ALPK2: variants seen among roughly 807,000 people sequenced by gnomAD.
ALPK2 encodes alpha kinase 2.
A neutral mutation model predicts 163.1 loss-of-function variants in ALPK2; 127 were observed. The ratio of observed to expected loss-of-function variants is 0.78; its 90% confidence interval spans 0.67 to 0.90. The LOEUF is 0.90. Among genes scored for constraint, ALPK2 ranks in the 40% least tolerant of loss-of-function variants. ALPK2 has a pLI of 0.00. For missense variants in ALPK2, 2,360 were observed against 2,589.6 expected, an observed-to-expected ratio of 0.91 and a Z score of 1.92; for synonymous variants, 953 against 959.1, an observed-to-expected ratio of 0.99 and a Z score of 0.12.
At chr18:58,503,615 C>G (rs1003107302) in intron 11 of ALPK2, among the ~76,000 whole-genome samples, 2 of 152,182 alleles carry the variant, frequency 1.3e-5, no homozygotes, top group Non-Finnish European at 2.9e-5. Flanking sequence ...GGGAGGAATA[C>G]TTGAGCCCAG....
chr18:58,579,299 C>T lies in ALPK2; in HGVS notation c.1477G>A (p.Glu493Lys), dbSNP rs757582251. 41 of 1,614,068 alleles carry T rather than the reference C, an allele frequency of 2.5e-5. No individual in the cohort carries two copies. The Admixed American group carries it at 5.7e-4, about 22-fold the overall frequency. The change falls in exon 4 of 13, where the codon GAG becomes AAG. Residue 493 changes from glutamate to lysine, a missense_variant. Coordinates refer to ENST00000361673, the MANE Select transcript of ALPK2 (RefSeq NM_052947.4). ...NLLNMDESVR[E>K]TEMKLLSGES... ...CCAGACAAGAGCTTCATCTCTGTCT[C>T]TCTTACTGATTCATCCATGTTGAGC... is the stretch of plus-strand genomic sequence containing the variant.
intron 6 of ALPK2, among the ~76,000 whole-genome samples, chr18:58,528,528 C>A (rs370561343): frequency 6.6e-6 from 1 of 150,930 alleles, no homozygotes; most frequent in African/African-American, 2.4e-5. Flanking sequence ...GGGAGTAGCA[C>A]CTTGTCTCAA....
chr18:58,538,330 A>G, intron 4 of ALPK2, 106 bp from the exon 5 acceptor site: 1 of 1,017,248 alleles, frequency 9.8e-7, no homozygotes, highest in South Asian at 1.6e-5. Flanking sequence ...GTAATAATGG[A>G]CAAGAATGAT....
chr18:58,607,582 CCTT>C (rs1389301020), intron 2 of ALPK2, 143 bp from the exon 3 acceptor site: 86 of 582,760 alleles, frequency 1.5e-4, no homozygotes, highest in Non-Finnish European at 2.4e-4. Flanking sequence ...AATTGAAAAG[CCTT>C]CTTCTTGTTG....
intron 4 of ALPK2, among the ~76,000 whole-genome samples, chr18:58,552,729 T>G (rs534337546): frequency 6.6e-6 from 1 of 152,236 alleles, no homozygotes; most frequent in African/African-American, 2.4e-5. Context: ...GCAGGTGTTC[T>G]ATAAGGAGAC....
intron 11 of ALPK2, among the ~76,000 whole-genome samples, chr18:58,500,272 G>A (rs910514643): frequency 1.4e-5 from 2 of 147,614 alleles, no homozygotes; most frequent in South Asian, 2.1e-4. Context: ...AATTGCAAAC[G>A]CTGTCTCTGG....
At chr18:58,625,451 G>C (rs2052224746) in intron 1 of ALPK2, among the ~76,000 whole-genome samples, 1 of 152,210 alleles carries the variant, frequency 6.6e-6, no homozygotes. Flanking sequence ...CTACAGCAGT[G>C]GTTCTCAGAG....
At chr18:58,533,100 G>A (rs72935484) in intron 5 of ALPK2, among the ~76,000 whole-genome samples, 15,253 of 152,278 alleles carry the variant, frequency 0.1, 875 homozygotes, top group Middle Eastern at 0.15. Flanking sequence ...GACAAGGCTG[G>A]CTGCCCTCGC....
intron 12 of ALPK2, among the ~76,000 whole-genome samples, chr18:58,486,297 C>G (rs1373145823): frequency 6.6e-6 from 1 of 152,206 alleles, no homozygotes; most frequent in African/African-American, 2.4e-5. Flanking sequence ...CTCAGAGACC[C>G]TTTCTCAGCC....
intron 6 of ALPK2, 77 bp downstream of exon 6, chr18:58,529,014 C>CT: frequency 6.3e-7 from 1 of 1,575,010 alleles, no homozygotes; most frequent in Non-Finnish European, 8.7e-7. Flanking sequence ...ATAATTTATT[C>CT]TTTTTTCTTT....
chr18:58,531,891 T>G (rs997550295), intron 5 of ALPK2, among the ~76,000 whole-genome samples: 2 of 117,726 alleles, frequency 1.7e-5, no homozygotes, highest in Admixed American at 1.2e-4. Context: ...GAGCCGAGAT[T>G]GCACCACTGT....
At chr18:58,540,239 A>G (rs1442105135) in intron 4 of ALPK2, among the ~76,000 whole-genome samples, 1 of 151,800 alleles carries the variant, frequency 6.6e-6, no homozygotes, top group African/African-American at 2.4e-5. Context: ...GCTGTAGCCA[A>G]CTTCACCCAT....
At chr18:58,504,826 G>A (rs1793468637) in intron 10 of ALPK2, among the ~76,000 whole-genome samples, 1 of 152,266 alleles carries the variant, frequency 6.6e-6, no homozygotes, top group East Asian at 1.9e-4. Context: ...TGGATAAAGA[G>A]CATTTGAGTA....
At chr18:58,541,437 T>C (rs555303858) in intron 4 of ALPK2, among the ~76,000 whole-genome samples, 4 of 152,358 alleles carry the variant, frequency 2.6e-5, no homozygotes, top group East Asian at 1.9e-4. Flanking sequence ...ACCTCCAACA[T>C]TGGGGATTAC....
chr18:58,580,526 C>T lies in ALPK2; in HGVS notation c.250G>A (p.Val84Ile). The T allele has an allele frequency of 6.2e-7, 1 of 1,613,456 alleles. No individual in the cohort carries two copies. Among genetic ancestry groups the T allele is most frequent in the Non-Finnish European group, 8.5e-7 (1 of 1,179,524 alleles). Residue 84 changes from valine to isoleucine, a missense_variant, in exon 4 of 13, where the codon GTC (valine) becomes ATC (isoleucine). Coordinates refer to ENST00000361673, the MANE Select transcript of ALPK2 (RefSeq NM_052947.4). ...GAGTTTTTAGCCGAGATTTGATAGA[C>T]AGCAGCATCATTTTTGGTACAGCTA... ...LSCCTKNDAA[V>I]YQISAKNSFG...
intron 5 of ALPK2, among the ~76,000 whole-genome samples, chr18:58,532,398 C>G (rs1298836892): frequency 6.6e-6 from 1 of 152,202 alleles, no homozygotes; most frequent in African/African-American, 2.4e-5. Context: ...AGGGTCAGAA[C>G]CTACCCCGGC....
At chr18:58,571,401 G>A (rs767174889) in intron 4 of ALPK2, among the ~76,000 whole-genome samples, 41 of 146,840 alleles carry the variant, frequency 2.8e-4, no homozygotes, top group African/African-American at 8.3e-4. Flanking sequence ...TCAATAAGTC[G>A]TGCTAGAAAA....
Position 58,588,551 on chromosome 18 carries a change from T to TC in ALPK2, c.228-8004dup, listed in dbSNP as rs560645564. On this transcript the variant is annotated intron_variant, in intron 3 of 12. Transcript: ENST00000361673. ...AAGCCCAGCATGCATTAGCTATTTT[T>TC]CCTAATGTTCTACCCCTTACACTGC... 3.7e-3 allele frequency among the ~76,000 whole-genome samples: 561 copies of TC among 152,324 alleles called. 6 individuals carry two copies. Among genetic ancestry groups the TC allele is most frequent in the African/African-American group, 0.013 (527 of 41,562 alleles).
intron 3 of ALPK2, among the ~76,000 whole-genome samples, chr18:58,583,673 G>C (rs1375534863): frequency 6.7e-6 from 1 of 150,104 alleles, no homozygotes; most frequent in African/African-American, 2.5e-5. Flanking sequence ...AATTAGCCAG[G>C]CATGGTGATA....
Sources: gnomAD v4.1 joint callset for allele counts (sites outside exome capture counted in the v4.1 genomes callset) on GRCh38, gnomAD v4.1.1 for gene constraint, MANE v1.5 for transcripts, NCBI Gene and HGNC (gene_info 2026-07-23, HGNC 2026-07-21) for gene names.